Variants in VDR observed in about 807,000 individuals in gnomAD.
The protein encoded by VDR is vitamin D3 receptor.
In VDR, 19 loss-of-function variants were observed where a neutral mutation model predicts 39.7. That is an observed-to-expected ratio of 0.48 (90% CI 0.33 to 0.70). The LOEUF (loss-of-function observed/expected upper bound fraction) is 0.70. VDR is among the 30% of genes least tolerant of loss of function. VDR has a pLI of 0.02. For synonymous variants in VDR, 242 were observed against 215.8 expected (o/e 1.12, Z -1.07); for missense variants, 442 against 570.5 (o/e 0.77, Z 2.29).
Position 47,879,066 on chromosome 12 carries a change from A to C in VDR, c.48T>G (p.Phe16Leu), listed in dbSNP as rs11832059. Reference protein sequence around the residue: ...ASTSLPDPGDFDRNVPRICGV... With the variant: ...ASTSLPDPGDLDRNVPRICGV... ...CACAGATCCGGGGCACGTTCCGGTCAAAGTCTCCAGGGTCAGGCAGGGAAG... is the reference window on the plus strand; with the variant it reads ...CACAGATCCGGGGCACGTTCCGGTCCAAGTCTCCAGGGTCAGGCAGGGAAG... The change falls in exon 3 of 10, where the codon TTT becomes TTG. Residue 16 changes from phenylalanine (F) to leucine (L), a missense_variant. Physicochemically the swap from Phe to Leu is conservative, Grantham distance 22. Coordinates refer to ENST00000549336, the MANE Select transcript of VDR (RefSeq NM_000376.3). 1 of 1,614,142 alleles carries C rather than the reference A, an allele frequency of 6.2e-7. No individual in the cohort carries two copies. Among genetic ancestry groups the C allele is most frequent in the South Asian group, 1.1e-5 (1 of 91,076 alleles).
chr12:47,884,996 G>A (rs1250112590), intron 1 of VDR, among the ~76,000 whole-genome samples: 1 of 152,102 alleles, frequency 6.6e-6, no homozygotes, highest in Non-Finnish European at 1.5e-5. Flanking sequence ...TAGGAAAGTG[G>A]GGCAAAGACA....
intron 7 of VDR, among the ~76,000 whole-genome samples, chr12:47,848,413 ACT>A (rs1945320646): frequency 6.6e-6 from 1 of 151,942 alleles, no homozygotes; most frequent in African/African-American, 2.4e-5. Flanking sequence ...TCCTGAATCC[ACT>A]GTGTTTTCCA....
intron 1 of VDR, among the ~76,000 whole-genome samples, chr12:47,888,477 A>G (rs115517118): frequency 0.015 from 2,294 of 152,282 alleles, 65 homozygotes; most frequent in African/African-American, 0.051. Flanking sequence ...CAGGAGATAT[A>G]TGGCTTACTT....
At chr12:47,873,049 T>C (rs1008809147) in intron 3 of VDR, among the ~76,000 whole-genome samples, 1 of 152,202 alleles carries the variant, frequency 6.6e-6, no homozygotes, top group Non-Finnish European at 1.5e-5. Context: ...ACTGATATGG[T>C]TTGGCTCTGT....
rs1334628201 is a variant in VDR at position 47,857,668 on chromosome 12, C to G, written c.298G>C (p.Val100Leu). ...AGGATCATCTCCCGCTTCCTCTGCACTTCCTCATCTGTCAGAATGACTGTG... is the reference window on the plus strand; with the variant it reads ...AGGATCATCTCCCGCTTCCTCTGCAGTTCCTCATCTGTCAGAATGACTGTG... Reference protein sequence around the residue: ...MKEFILTDEEVQRKREMILKR... With the variant: ...MKEFILTDEELQRKREMILKR... The change falls in exon 5 of 10, where the codon GTG becomes CTG. Residue 100 changes from valine to leucine, a missense_variant. Val to Leu is a conservative substitution (Grantham distance 32, BLOSUM62 1). Coordinates refer to ENST00000549336, the MANE Select transcript of VDR (RefSeq NM_000376.3). 1.2e-6 allele frequency: 2 copies of G among 1,613,948 alleles called. No individual in the cohort carries two copies. Among genetic ancestry groups the G allele is most frequent in the Admixed American group, 3.3e-5 (2 of 60,008 alleles).
rs565479243 is a variant in VDR, at chr12:47,860,213, G to A, written c.278-2525C>T. The stretch of plus-strand genomic sequence containing the variant: ...ACTCCTGACCTCAGGTGATCTGCCC[G>A]CCTTGGCCTCCCAAAGTGCTGGGAT... On this transcript the variant is annotated intron_variant, in intron 4 of 9. Coordinates refer to ENST00000549336, the MANE Select transcript of VDR (RefSeq NM_000376.3). Among the ~76,000 whole-genome samples the A allele has an allele frequency of 4.7e-3, 717 of 152,170 alleles. 2 individuals carry two copies. Among genetic ancestry groups the A allele is most frequent in the South Asian group, 0.017 (84 of 4,826 alleles).
intron 1 of VDR, among the ~76,000 whole-genome samples, chr12:47,899,083 C>T (rs1321638763): frequency 1.3e-5 from 2 of 152,114 alleles, no homozygotes; most frequent in Non-Finnish European, 2.9e-5. Context: ...AATTGAAGAA[C>T]CCAAGTTGCA....
chr12:47,887,322 C>CAAAAAAAAAAAAA (rs10686139), intron 1 of VDR, among the ~76,000 whole-genome samples: 1 of 72,100 alleles, frequency 1.4e-5, no homozygotes, highest in Admixed American at 1.9e-4. Context: ...AACTCCGTCT[C>CAAAAAAAAAAAAA]AAAAAAAAAA....
chr12:47,875,331 G>A (rs1479100022), intron 3 of VDR, among the ~76,000 whole-genome samples: 1 of 152,214 alleles, frequency 6.6e-6, no homozygotes, highest in African/African-American at 2.4e-5. Flanking sequence ...CAATATTCAA[G>A]CAATGCTGTC....
At chr12:47,863,781 G>A (rs180857483) in intron 4 of VDR, among the ~76,000 whole-genome samples, 1 of 152,306 alleles carries the variant, frequency 6.6e-6, no homozygotes, top group East Asian at 1.9e-4. Flanking sequence ...CAGATCAGGA[G>A]GGAGGAGTCA....
At chr12:47,872,182 T>C (rs1592128039) in intron 3 of VDR, among the ~76,000 whole-genome samples, 1 of 152,318 alleles carries the variant, frequency 6.6e-6, no homozygotes, top group East Asian at 1.9e-4. Flanking sequence ...TATGTTTGAG[T>C]TTAAATCTTA....
rs921126846 is a variant in VDR, at chr12:47,883,059, C to T, written c.-83-285G>A. On this transcript the variant is annotated intron_variant, in intron 1 of 9. Transcript: ENST00000549336. Reference sequence around the variant, plus strand: ...AGCCCCAGGCAGAAGGAAACAGCCTCCCGCCTAGGCACTCCTTCTCCTCTC... The same window carrying T: ...AGCCCCAGGCAGAAGGAAACAGCCTTCCGCCTAGGCACTCCTTCTCCTCTC... 51 of 382,988 alleles carry T rather than the reference C, an allele frequency of 1.3e-4. 1 individual carries two copies. Among genetic ancestry groups the T allele is most frequent in the Non-Finnish European group, 2.2e-4 (47 of 212,812 alleles). 23.7% of individuals were successfully genotyped at this position (382,988 alleles called of 1,614,324 possible).
At chr12:47,873,960 G>A (rs1437697576) in intron 3 of VDR, among the ~76,000 whole-genome samples, 1 of 152,192 alleles carries the variant, frequency 6.6e-6, no homozygotes, top group East Asian at 1.9e-4. Flanking sequence ...TATAACCCAA[G>A]CACAGGGAAG....
intron 2 of VDR, among the ~76,000 whole-genome samples, chr12:47,882,342 G>A (rs1198727328): frequency 6.6e-6 from 1 of 152,190 alleles, no homozygotes; most frequent in Non-Finnish European, 1.5e-5. Flanking sequence ...CCAAGCCTCT[G>A]TGGCTTGAGA....
At chr12:47,893,441 G>A (rs1178878437) in intron 1 of VDR, among the ~76,000 whole-genome samples, 1 of 151,586 alleles carries the variant, frequency 6.6e-6, no homozygotes, top group Non-Finnish European at 1.5e-5. Context: ...GGAGAGACCT[G>A]AAAAATTCAG....
At position 47,848,555 on chromosome 12, in the gene VDR, C is replaced by CTTTTTTTTT. The variant is rs1162881183; in HGVS notation, c.756-1756_756-1748dup. ...CTCTTTACATGCTTGTTTTCTACTC[C>CTTTTTTTTT]TTTTTTTTTTTTTTTTTTTTTTTTT... On this transcript the variant is annotated intron_variant, in intron 7 of 9. Coordinates refer to ENST00000549336, the MANE Select transcript of VDR (RefSeq NM_000376.3). Among the ~76,000 whole-genome samples, 26 of 58,162 alleles carry CTTTTTTTTT rather than the reference C, an allele frequency of 4.5e-4. 3 individuals are homozygous for CTTTTTTTTT. Among genetic ancestry groups the CTTTTTTTTT allele is most frequent in the African/African-American group, 5.5e-4 (7 of 12,776 alleles). 38.2% of individuals were successfully genotyped at this position (58,162 alleles called of 152,430 possible).
At chr12:47,859,478 T>C (rs917821886) in intron 4 of VDR, among the ~76,000 whole-genome samples, 1 of 152,210 alleles carries the variant, frequency 6.6e-6, no homozygotes, top group Non-Finnish European at 1.5e-5. Context: ...GCATTTCCAG[T>C]TGTGCTAGGT....
chr12:47,857,769 T>C lies in VDR; in HGVS notation c.278-81A>G, dbSNP rs1945522965. ...TTCCTCCTGCGGTTGGGGGTAAAGG[T>C]CCAAGATAGGAGGGGCTTTAACACT... On this transcript the variant is annotated intron_variant, in intron 4 of 9. Transcript: ENST00000549336. The C allele has an allele frequency of 3.3e-6, 5 of 1,505,768 alleles. No individual in the cohort carries two copies. In the Admixed American group the frequency reaches 7.0e-5, roughly 21 times the overall value. 93.3% of individuals were successfully genotyped at this position (1,505,768 alleles called of 1,614,324 possible). A position where few individuals can be genotyped will look rare whatever the true frequency, so the allele number is the denominator to read the frequency against.
At chr12:47,896,866 C>T (rs1447239376) in intron 1 of VDR, 1 of 152,182 alleles carries the variant, frequency 6.6e-6, no homozygotes, top group Non-Finnish European at 1.5e-5. Context: ...AATTCAGAGC[C>T]GTTTGGAACA....
Sources: allele counts gnomAD v4.1 joint callset (sites outside exome capture counted in the v4.1 genomes callset), GRCh38; gene constraint gnomAD v4.1.1; transcripts MANE v1.5; gene names NCBI Gene and HGNC (gene_info 2026-07-23, HGNC 2026-07-21).